Variants in PRKD2 observed in about 807,000 individuals in gnomAD.
PRKD2 encodes protein kinase D2.
A neutral mutation model predicts 86.0 loss-of-function variants in PRKD2; 22 were observed. The ratio of observed to expected loss-of-function variants is 0.26; its 90% CI spans 0.18 to 0.37. The LOEUF is 0.37. PRKD2 is among the 10% of genes least tolerant of loss of function. The probability of loss-of-function intolerance (pLI) is 1.00; values close to 1 mark genes in which losing one functional copy is unlikely to be tolerated. For synonymous variants in PRKD2, 509 were observed against 510.9 expected (o/e 1.00, Z 0.05); for missense variants, 818 against 1,199.2 (o/e 0.68, Z 4.70).
chr19:46,713,995 C>G lies in PRKD2; in HGVS notation c.247G>C (p.Glu83Gln), dbSNP rs750649124. 1.1e-5 allele frequency: 17 copies of G among 1,613,402 alleles called. No homozygotes were observed. In the African/African-American group the frequency reaches 1.5e-4, roughly 14 times the overall value. Residue 83 changes from glutamate to glutamine, a missense_variant, in exon 2 of 18, where the codon GAG becomes CAG. Around this residue, in one of 5 missense-constraint regions of PRKD2, gnomAD observed 403 missense variants for 518.6 expected, o/e 0.78. Coordinates refer to ENST00000291281, the MANE Select transcript of PRKD2 (RefSeq NM_016457.5). ...TCGTAAAGGCCGTAGAAGCCACACT[C>G]AGGGAACTGAGGGGCGGGAGAGGGA... ...ACSIVDQKFP[E>Q]CGFYGLYDKI...
chr19:46,681,833 T>G, intron 14 of PRKD2, 85 bp from the exon 15 acceptor site: 1 of 659,468 alleles, frequency 1.5e-6, no homozygotes, highest in Non-Finnish European at 2.5e-6. Flanking sequence ...TCCAAACCCA[T>G]CCATACTTTT....
intron 2 of PRKD2, 63 bp from the exon 3 acceptor site, chr19:46,711,101 A>T: frequency 6.6e-7 from 1 of 1,512,336 alleles, no homozygotes; most frequent in Non-Finnish European, 8.9e-7. Flanking sequence ...TCCAGACCCC[A>T]CGTTCCCTGA....
Position 46,713,909 on chromosome 19 carries a change from C to G in PRKD2, c.333G>C (p.Ser111=), listed in dbSNP as rs773098149. The G allele has an allele frequency of 3.1e-6, 5 of 1,612,912 alleles. No individual in the cohort carries two copies. Among genetic ancestry groups the G allele is most frequent in the Admixed American group, 1.7e-5 (1 of 59,974 alleles). ...GGTCGCCCTCCTGGATGTCTCCGGA[C>G]GAGCGCACCAGCTGCAGGAGGTTGG... ...TSANLLQLVR[S]SGDIQEGDLV... is the part of the protein sequence containing the mutation. Residue 111 remains serine, a synonymous_variant, in exon 2 of 18, where the codon TCG becomes TCC. Transcript: ENST00000291281.
intron 16 of PRKD2, among the ~76,000 whole-genome samples, chr19:46,676,577 T>C (rs115523531): frequency 1.2e-3 from 177 of 152,352 alleles, no homozygotes; most frequent in African/African-American, 4.0e-3. Flanking sequence ...GGCTCTCTCC[T>C]TGATGGGAAG....
At position 46,674,478 on chromosome 19, in the gene PRKD2, G is replaced by A. The variant is rs768510420; in HGVS notation, c.*45C>T. ...GAACAGTTCATTGCTGGGATCCTGTGAAGAACCGCTGTGGAGGGCAGCAGC... is the reference window on the plus strand; with the variant it reads ...GAACAGTTCATTGCTGGGATCCTGTAAAGAACCGCTGTGGAGGGCAGCAGC... On this transcript the variant is annotated 3_prime_UTR_variant, in exon 18 of 18. Coordinates refer to ENST00000291281, the MANE Select transcript of PRKD2 (RefSeq NM_016457.5). The A allele has an allele frequency of 1.3e-6, 2 of 1,573,236 alleles. No individual in the cohort carries two copies. Among genetic ancestry groups the A allele is most frequent in the Admixed American group, 1.8e-5 (1 of 56,454 alleles).
chr19:46,713,847 G>A lies in PRKD2; in HGVS notation c.379+16C>T, dbSNP rs541341404. The A allele has an allele frequency of 4.9e-4, 422 of 863,252 alleles. 1 individual carries two copies. The highest frequency in any genetic ancestry group is 4.8e-3 in the South Asian group (211 of 43,630). The allele number at this position is 863,252 out of a possible 1,614,324, so 53.5% of individuals were successfully genotyped here. Reference sequence around the variant, plus strand: ...CCACCCGAGGCCCCGCCCCCAGGCCGGCCACCACCTCTCACCCGACAGCAC... The same window carrying A: ...CCACCCGAGGCCCCGCCCCCAGGCCAGCCACCACCTCTCACCCGACAGCAC... On this transcript the variant is annotated intron_variant, in intron 2 of 17. Coordinates refer to ENST00000291281, the MANE Select transcript of PRKD2 (RefSeq NM_016457.5).
intron 7 of PRKD2, 61 bp from the exon 8 acceptor site, chr19:46,697,911 A>T: frequency 3.0e-6 from 4 of 1,322,580 alleles, no homozygotes; most frequent in Non-Finnish European, 4.4e-6. Flanking sequence ...CTGCTTGGGA[A>T]TGCAGGGGGC....
At chr19:46,695,469 C>A (rs538871442) in intron 9 of PRKD2, among the ~76,000 whole-genome samples, 2 of 152,258 alleles carry the variant, frequency 1.3e-5, no homozygotes, top group Admixed American at 6.5e-5. Context: ...GGTGACAGAG[C>A]GAGACTCCGT....
chr19:46,700,068 T>C (rs965081573), intron 7 of PRKD2, among the ~76,000 whole-genome samples: 1 of 147,956 alleles, frequency 6.8e-6, no homozygotes, highest in African/African-American at 2.5e-5. Context: ...AAACCCTGTC[T>C]CTACTAAAAA....
Position 46,674,588 on chromosome 19 carries a change from C to T in PRKD2, c.2572G>A (p.Gly858Ser), listed in dbSNP as rs1334162268. 1.2e-6 allele frequency: 2 copies of T among 1,611,284 alleles called. No homozygotes were observed. The highest frequency in any genetic ancestry group is 1.1e-5 in the South Asian group (1 of 91,054). Residue 858 changes from glycine to serine, a missense_variant, in exon 18 of 18, where the codon GGT becomes AGT. Transcript: ENST00000291281. ...TGGTCCTGTGGTGGACAGGCCCCAC[C>T]GAGATCCCTGTCCGTGGGCAGCCCA... ...GSGLPTDRDL[G>S]GACPPQDHDM...
At position 46,678,091 on chromosome 19, in the gene PRKD2, T is replaced by C. The variant is rs989062740; in HGVS notation, c.2338+305A>G. 6.6e-6 allele frequency among the ~76,000 whole-genome samples: 1 copy of C among 152,146 alleles called. No homozygotes were observed. Among genetic ancestry groups the C allele is most frequent in the African/African-American group, 2.4e-5 (1 of 41,444 alleles). ...CTTTGGTACCCTCAAGTCCAGTCCC[T>C]TTCCTGGTCCCACCCTAGACAAGCC... On this transcript the variant is annotated intron_variant, in intron 16 of 17. Coordinates refer to ENST00000291281, the MANE Select transcript of PRKD2 (RefSeq NM_016457.5). This position sits in a 1 kb window ranked among gnomAD's most constrained non-coding sequence, Gnocchi z 5.7.
Position 46,717,065 on chromosome 19 carries a change from C to A in PRKD2, c.-695G>T. 1 of 154,244 alleles carries A rather than the reference C, an allele frequency of 6.5e-6. No individual in the cohort carries two copies. The highest frequency in any genetic ancestry group is 1.7e-4 in the South Asian group (1 of 5,740). The allele number at this position is 154,244 out of a possible 1,614,324, so 9.6% of individuals were successfully genotyped here. ...GCCAGGCGCCAGTAGCTCTTTTTCC[C>A]CCTCCAAAGTTTAAGTCGGCGGCGG... On this transcript the variant is annotated 5_prime_UTR_variant, in exon 1 of 18. Coordinates refer to ENST00000291281, the MANE Select transcript of PRKD2 (RefSeq NM_016457.5).
chr19:46,681,870 C>T (rs1283165197), intron 14 of PRKD2, 122 bp from the exon 15 acceptor site: 6 of 585,336 alleles, frequency 1.0e-5, no homozygotes, highest in East Asian at 3.0e-5. Context: ...GACAGAGTCT[C>T]GCTCTGTAGC....
At chr19:46,708,229 G>A (rs1337782310) in intron 3 of PRKD2, among the ~76,000 whole-genome samples, 1 of 151,774 alleles carries the variant, frequency 6.6e-6, no homozygotes, top group Non-Finnish European at 1.5e-5. Context: ...AACTATATCT[G>A]GAGACGGTGC....
chr19:46,678,288 C>G lies in PRKD2; in HGVS notation c.2338+108G>C, dbSNP rs867339595. 1.9e-5 allele frequency: 28 copies of G among 1,486,216 alleles called. No individual in the cohort carries two copies. In the Middle Eastern group the frequency reaches 9.5e-4, roughly 51 times the overall value. 92.1% of individuals were successfully genotyped at this position (1,486,216 alleles called of 1,614,324 possible). A position where few individuals can be genotyped will look rare whatever the true frequency, so the allele number is the denominator to read the frequency against. ...CCCGCCCCAGCACTGGGCTCCACCC[C>G]CAAGGTGCCAGGCTGTTTCCGGGTC... On this transcript the variant is annotated intron_variant, in intron 16 of 17. Transcript: ENST00000291281. The surrounding 1 kb of genome is among the most constrained non-coding windows in gnomAD (Gnocchi z 5.7).
chr19:46,685,624 C>T (rs976540279), intron 14 of PRKD2: 2 of 152,380 alleles, frequency 1.3e-5, no homozygotes, highest in African/African-American at 4.8e-5. Flanking sequence ...AAGCAGCCAC[C>T]TGTGAGAACC....
At chr19:46,694,550 G>C (rs1179400501) in intron 9 of PRKD2, among the ~76,000 whole-genome samples, 2 of 151,990 alleles carry the variant, frequency 1.3e-5, no homozygotes, top group African/African-American at 4.8e-5. Flanking sequence ...AGCCAAGATC[G>C]CACCACTGCA....
chr19:46,686,812 G>A (rs1002480782), intron 14 of PRKD2, among the ~76,000 whole-genome samples: 2 of 151,872 alleles, frequency 1.3e-5, no homozygotes, highest in East Asian at 1.9e-4. Flanking sequence ...TTAGCCGGGC[G>A]TGGTGGTGGG....
chr19:46,697,127 T>A (rs1402756311), intron 9 of PRKD2, 30 bp downstream of exon 9: 2 of 1,520,480 alleles, frequency 1.3e-6, no homozygotes, highest in East Asian at 4.5e-5. Flanking sequence ...CAGCGGGAAG[T>A]CCGAGGGAGC....
Sources: gnomAD v4.1 joint callset for allele counts (sites outside exome capture counted in the v4.1 genomes callset) on GRCh38, gnomAD v4.1.1 for gene constraint, gnomAD v4.1.1 regional missense constraint, Gnocchi (gnomAD v3.1) non-coding constraint, MANE v1.5 for transcripts, NCBI Gene and HGNC (gene_info 2026-07-23, HGNC 2026-07-21) for gene names.